The following TAFA2 variants were observed in gnomAD, a reference collection of about 807,000 sequenced individuals.
The protein encoded by TAFA2 is TAFA chemokine like family member 2.
In TAFA2, 7 loss-of-function variants were observed where a neutral mutation model predicts 18.8. The ratio of observed to expected loss-of-function variants is 0.37; its 90% CI spans 0.21 to 0.70. The LOEUF (loss-of-function observed/expected upper bound fraction) is 0.70. TAFA2 is among the 30% of genes least tolerant of loss of function. The pLI is 0.53. For synonymous variants in TAFA2, 60 were observed against 54.2 expected (o/e 1.11, Z -0.47); for missense variants, 122 against 158.1 (o/e 0.77, Z 1.23).
chr12:62,035,733 C>CTT (rs34859628), intron 1 of TAFA2, among the ~76,000 whole-genome samples: 3,777 of 60,212 alleles, frequency 0.063, 704 homozygotes, highest in Non-Finnish European at 0.076. Context: ...ATGATTCTTT[C>CTT]TTTTTTTTTT....
At chr12:62,139,798 T>C (rs2062225661) in intron 1 of TAFA2, among the ~76,000 whole-genome samples, 1 of 152,152 alleles carries the variant, frequency 6.6e-6, no homozygotes, top group Non-Finnish European at 1.5e-5. Context: ...ATTTCCTCAC[T>C]ATACAGACAA....
intron 1 of TAFA2, among the ~76,000 whole-genome samples, chr12:61,950,774 T>G (rs1252423917): frequency 1.3e-5 from 2 of 152,064 alleles, no homozygotes; most frequent in Non-Finnish European, 2.9e-5. Context: ...AGTCTGTTTC[T>G]TCTCTGCTCT....
chr12:62,104,053 T>A (rs1211742344), intron 1 of TAFA2, among the ~76,000 whole-genome samples: 1 of 152,214 alleles, frequency 6.6e-6, no homozygotes, highest in Non-Finnish European at 1.5e-5. Context: ...GAGTTGGCAA[T>A]GCCAAGTTTA....
intron 1 of TAFA2, chr12:62,258,110 A>G (rs2062949213): frequency 6.6e-6 from 1 of 152,200 alleles, no homozygotes; most frequent in Admixed American, 6.5e-5. Flanking sequence ...TAGACTTGAA[A>G]TAATAATAGT....
At chr12:62,120,524 CT>C (rs1870146593) in intron 1 of TAFA2, among the ~76,000 whole-genome samples, 1 of 152,192 alleles carries the variant, frequency 6.6e-6, no homozygotes, top group African/African-American at 2.4e-5. Context: ...TTGATGAAGA[CT>C]TTTCTCCAAA....
intron 4 of TAFA2, among the ~76,000 whole-genome samples, chr12:61,727,245 T>A (rs776621798): frequency 1.3e-5 from 2 of 152,048 alleles, no homozygotes; most frequent in African/African-American, 4.8e-5. Flanking sequence ...ATAGAATGAT[T>A]TAGGGAGGAT....
intron 1 of TAFA2, among the ~76,000 whole-genome samples, chr12:62,023,386 C>A (rs138766435): frequency 4.1e-4 from 62 of 152,126 alleles, no homozygotes; most frequent in Admixed American, 1.9e-3. Flanking sequence ...GATAAACTTT[C>A]TTTTGAGTTC....
chr12:62,259,181 G>A (rs1391014065), upstream of TAFA2: 2 of 152,190 alleles, frequency 1.3e-5, no homozygotes, highest in African/African-American at 2.4e-5. Context: ...TGGGGATTCC[G>A]GCCCATCTTT....
At chr12:62,227,973 G>A (rs1020614408) in intron 1 of TAFA2, among the ~76,000 whole-genome samples, 8 of 151,940 alleles carry the variant, frequency 5.3e-5, no homozygotes, top group African/African-American at 1.9e-4. Flanking sequence ...CTATGTATAT[G>A]TTTTTATGTG....
At chr12:62,067,397 T>C (rs1882518178) in intron 1 of TAFA2, among the ~76,000 whole-genome samples, 1 of 152,092 alleles carries the variant, frequency 6.6e-6, no homozygotes, top group Non-Finnish European at 1.5e-5. Context: ...TCCAGTCCCA[T>C]GTCCTGGAGA....
rs181134540 is a variant in TAFA2 at position 61,787,096 on chromosome 12, C to T, written c.107-32072G>A. Among the ~76,000 whole-genome samples the T allele has an allele frequency of 2.0e-5, 3 of 151,506 alleles. No homozygotes were observed. In the East Asian group the frequency reaches 5.9e-4, roughly 30 times the overall value. ...GATTAGATGAAACAGCAGAACCCAA[C>T]TATTTACTCTTTAAGAAACCAACTA... On this transcript the variant is annotated intron_variant, in intron 2 of 4. Transcript: ENST00000416284.
At chr12:61,833,656 A>G (rs1265879412) in intron 2 of TAFA2, among the ~76,000 whole-genome samples, 1 of 151,960 alleles carries the variant, frequency 6.6e-6, no homozygotes, top group African/African-American at 2.4e-5. Flanking sequence ...TTCTTGGAAC[A>G]TGATCGTTTT....
chr12:61,941,647 C>T (rs867597635), intron 1 of TAFA2, among the ~76,000 whole-genome samples: 12 of 152,192 alleles, frequency 7.9e-5, no homozygotes, highest in Non-Finnish European at 1.5e-4. Context: ...CTGGGAAGCG[C>T]AAGGGGTCAG....
intron 1 of TAFA2, among the ~76,000 whole-genome samples, chr12:62,220,939 C>G (rs574909338): frequency 4.9e-4 from 75 of 151,918 alleles, no homozygotes; most frequent in African/African-American, 1.7e-3. Context: ...AACCCCATCT[C>G]TACTAAAAAA....
chr12:61,747,091 T>G (rs568034916), intron 4 of TAFA2, among the ~76,000 whole-genome samples: 1 of 152,126 alleles, frequency 6.6e-6, no homozygotes, highest in East Asian at 1.9e-4. Context: ...AGAAGACATT[T>G]ATGCAGCCAA....
At chr12:62,235,070 C>A in intron 1 of TAFA2, 1 of 623,734 alleles carries the variant, frequency 1.6e-6, no homozygotes, top group South Asian at 1.4e-5. Context: ...CTGAGACTGG[C>A]AGCCTGAAGG....
intron 1 of TAFA2, among the ~76,000 whole-genome samples, chr12:61,887,978 A>C (rs963101804): frequency 2.6e-5 from 4 of 152,092 alleles, no homozygotes; most frequent in Admixed American, 6.5e-5. Flanking sequence ...CACATGAAAA[A>C]ATGCTCACCA....
chr12:61,923,089 C>G (rs751374898), intron 1 of TAFA2, among the ~76,000 whole-genome samples: 8 of 152,200 alleles, frequency 5.3e-5, no homozygotes, highest in Non-Finnish European at 8.8e-5. Flanking sequence ...AAGGCAGCAG[C>G]CCCAGTCAGG....
intron 1 of TAFA2, among the ~76,000 whole-genome samples, chr12:62,033,043 G>A (rs553417864): frequency 1.4e-4 from 22 of 152,148 alleles, no homozygotes; most frequent in Admixed American, 3.3e-4. Context: ...ATGGAAACAC[G>A]TACATGAACT....
Sources: allele counts gnomAD v4.1 joint callset (sites outside exome capture counted in the v4.1 genomes callset), GRCh38; gene constraint gnomAD v4.1.1; transcripts MANE v1.5; gene names NCBI Gene and HGNC (gene_info 2026-07-23, HGNC 2026-07-21).